Variants in DPY19L2 observed in about 807,000 individuals in gnomAD.
DPY19L2 encodes probable C-mannosyltransferase DPY19L2.
In DPY19L2, 34 loss-of-function variants were observed where a neutral mutation model predicts 97.9. That is an observed-to-expected ratio of 0.35 (90% confidence interval 0.26 to 0.46). The LOEUF (loss-of-function observed/expected upper bound fraction) is 0.46, where lower values mean the gene tolerates loss of function less well. Ranked by LOEUF, DPY19L2 falls within the 20% of genes least tolerant of loss-of-function variation. The pLI, the probability that DPY19L2 is intolerant of heterozygous loss-of-function variation, is 1.00. For synonymous variants in DPY19L2, 230 were observed against 307.9 expected (o/e 0.75, Z 2.65); for missense variants, 623 against 911.4 (o/e 0.68, Z 4.07).
intron 16 of DPY19L2, among the ~76,000 whole-genome samples, chr12:63,588,955 A>G (rs538378388): frequency 3.2e-4 from 48 of 151,834 alleles, no homozygotes; most frequent in East Asian, 9.7e-4. Context: ...GGGTTTCACC[A>G]TGTTAGCCAG....
At chr12:63,610,224 C>A (rs1409754977) in intron 11 of DPY19L2, among the ~76,000 whole-genome samples, 1 of 151,808 alleles carries the variant, frequency 6.6e-6, no homozygotes, top group African/African-American at 2.4e-5. Flanking sequence ...AGATTTCTTA[C>A]CTACAGCGAA....
In DPY19L2 at chr12:63,580,661, C is replaced by T; in HGVS notation, c.1900+1G>A. Reference sequence around the variant, plus strand: ...TAGCATATAACCAAATACCTACACACCTGATGTGGTACTGTATTTGATCCA... The same window carrying T: ...TAGCATATAACCAAATACCTACACATCTGATGTGGTACTGTATTTGATCCA... On this transcript the variant is annotated splice_donor_variant, in intron 19 of 21. Transcript: ENST00000324472. LOFTEE classifies it high-confidence loss of function. The T allele has an allele frequency of 6.2e-7, 1 of 1,608,276 alleles. No homozygotes were observed. The highest frequency in any genetic ancestry group is 8.5e-7 in the Non-Finnish European group (1 of 1,177,672).
intron 4 of DPY19L2, among the ~76,000 whole-genome samples, chr12:63,660,051 A>C (rs1328599863): frequency 5.3e-5 from 8 of 152,172 alleles, no homozygotes; most frequent in Admixed American, 5.2e-4. Context: ...TTCAAAATCT[A>C]ATAAGGATAT....
At chr12:63,657,412 G>T (rs1448469732) in intron 4 of DPY19L2, among the ~76,000 whole-genome samples, 2 of 152,142 alleles carry the variant, frequency 1.3e-5, no homozygotes, top group Non-Finnish European at 2.9e-5. Flanking sequence ...CCAAAGGCTT[G>T]TTAATGTAAT....
chr12:63,610,985 A>G (rs1157658444), intron 11 of DPY19L2, among the ~76,000 whole-genome samples: 6 of 151,866 alleles, frequency 4.0e-5, no homozygotes, highest in Admixed American at 3.9e-4. Context: ...GATGTTCAAC[A>G]TCACTTATCA....
At chr12:63,665,468 G>A (rs898938406) in intron 2 of DPY19L2, among the ~76,000 whole-genome samples, 1 of 136,410 alleles carries the variant, frequency 7.3e-6, no homozygotes, top group Non-Finnish European at 1.5e-5. Context: ...GCAAGACTCT[G>A]TCTCAAAAAA....
intron 20 of DPY19L2, among the ~76,000 whole-genome samples, chr12:63,570,258 C>T (rs575530034): frequency 6.6e-6 from 1 of 152,128 alleles, no homozygotes; most frequent in Non-Finnish European, 1.5e-5. Flanking sequence ...AGTAAAAATA[C>T]TCTAAATTTT....
intron 21 of DPY19L2, among the ~76,000 whole-genome samples, chr12:63,565,634 G>T (rs1473440324): frequency 1.3e-5 from 2 of 151,828 alleles, no homozygotes; most frequent in African/African-American, 2.4e-5. Flanking sequence ...TGGCCATCGT[G>T]GGGGGCTCAT....
intron 16 of DPY19L2, among the ~76,000 whole-genome samples, chr12:63,591,569 T>G (rs1882918996): frequency 6.6e-6 from 1 of 152,146 alleles, no homozygotes; most frequent in African/African-American, 2.4e-5. Context: ...TTTACTTATG[T>G]GTGACTGATA....
At chr12:63,631,696 C>A (rs1368434164) in intron 6 of DPY19L2, among the ~76,000 whole-genome samples, 1 of 152,112 alleles carries the variant, frequency 6.6e-6, no homozygotes. Flanking sequence ...AAGAGGGAAT[C>A]CTCCCTAACT....
chr12:63,638,303 C>T (rs1244951931), intron 6 of DPY19L2, among the ~76,000 whole-genome samples: 1 of 152,166 alleles, frequency 6.6e-6, no homozygotes, highest in African/African-American at 2.4e-5. Flanking sequence ...CAGCACAAGA[C>T]AGGGTTGCCC....
Position 63,607,614 on chromosome 12 carries a change from T to C in DPY19L2, c.1278+1002A>G, listed in dbSNP as rs142282412. On this transcript the variant is annotated intron_variant, in intron 12 of 21. Coordinates refer to ENST00000324472, the MANE Select transcript of DPY19L2 (RefSeq NM_173812.5). ...GGTAGGAACCTACCTCCTCAACTTG[T>C]AACATTTCCAGACTTATCCTTTCAA... is the stretch of plus-strand genomic sequence containing the variant. 6.7e-3 allele frequency among the ~76,000 whole-genome samples: 1,022 copies of C among 152,274 alleles called. 14 individuals carry two copies. Among genetic ancestry groups the C allele is most frequent in the African/African-American group, 0.024 (986 of 41,556 alleles).
At chr12:63,640,491 A>C (rs1397171184) in intron 6 of DPY19L2, among the ~76,000 whole-genome samples, 1 of 152,220 alleles carries the variant, frequency 6.6e-6, no homozygotes, top group African/African-American at 2.4e-5. Flanking sequence ...ATGGTTAGCC[A>C]CCAAAAGAAT....
chr12:63,628,501 C>T (rs538108210), intron 6 of DPY19L2, among the ~76,000 whole-genome samples: 33 of 152,190 alleles, frequency 2.2e-4, no homozygotes, highest in East Asian at 5.8e-4. Context: ...AACTGCAAGG[C>T]GGCAGCGAGG....
intron 3 of DPY19L2, among the ~76,000 whole-genome samples, chr12:63,661,685 T>C (rs1162934737): frequency 6.6e-6 from 1 of 152,090 alleles, no homozygotes; most frequent in Admixed American, 6.5e-5. Context: ...AAATTTTCTA[T>C]AGGCTTTCAA....
chr12:63,562,963 C>G (rs535522322), intron 21 of DPY19L2, among the ~76,000 whole-genome samples: 167 of 151,884 alleles, frequency 1.1e-3, no homozygotes, highest in Admixed American at 2.8e-3. Context: ...ACCTGGCTAA[C>G]TTTTTGTATT....
In DPY19L2 at chr12:63,572,789, T is replaced by C. The variant is rs555728718; in HGVS notation, c.1901-1932A>G. On this transcript the variant is annotated intron_variant, in intron 19 of 21. Coordinates refer to ENST00000324472, the MANE Select transcript of DPY19L2 (RefSeq NM_173812.5). ...AGTAAGGGAAGAGAACAAGAGCTTC[T>C]GCCTGCTAATCCTGAGAATTCTGGA... 1.1e-3 allele frequency among the ~76,000 whole-genome samples: 162 copies of C among 152,192 alleles called. 1 individual carries two copies. The highest frequency in any genetic ancestry group is 3.6e-3 in the African/African-American group (150 of 41,528).
At chr12:63,653,885 C>T (rs1894605511) in intron 4 of DPY19L2, among the ~76,000 whole-genome samples, 1 of 151,988 alleles carries the variant, frequency 6.6e-6, no homozygotes, top group African/African-American at 2.4e-5. Flanking sequence ...AATGGCACAA[C>T]ACTTGCCGAA....
At chr12:63,578,835 T>G (rs932749010) in intron 19 of DPY19L2, among the ~76,000 whole-genome samples, 1 of 152,076 alleles carries the variant, frequency 6.6e-6, no homozygotes, top group African/African-American at 2.4e-5. Context: ...TATCAACTTC[T>G]GGAGACACTT....
Sources: gnomAD v4.1 joint callset for allele counts (sites outside exome capture counted in the v4.1 genomes callset) on GRCh38, gnomAD v4.1.1 for gene constraint, MANE v1.5 for transcripts, NCBI Gene and HGNC (gene_info 2026-07-23, HGNC 2026-07-21) for gene names.